FGGY: variants seen among roughly 807,000 people sequenced by gnomAD.
FGGY encodes the protein FGGY carbohydrate kinase domain-containing protein.
In FGGY, 72 loss-of-function variants were observed where a neutral mutation model predicts 71.3. The ratio of observed to expected loss-of-function variants is 1.01; its 90% CI spans 0.84 to 1.23. The LOEUF is 1.23. Among genes scored for constraint, FGGY ranks in the 50% most tolerant of loss-of-function variants. The probability of loss-of-function intolerance (pLI) is 0.00; values close to 1 mark genes in which losing one functional copy is unlikely to be tolerated. For synonymous variants in FGGY, 251 were observed against 250.3 expected (o/e 1.00, Z -0.02); for missense variants, 668 against 682.3 (o/e 0.98, Z 0.23).
At chr1:59,333,218 A>G (rs2048838728) in intron 2 of FGGY, among the ~76,000 whole-genome samples, 1 of 152,244 alleles carries the variant, frequency 6.6e-6, no homozygotes, top group Admixed American at 6.5e-5. Context: ...CTTTTGACTA[A>G]CTGCAGACCT....
chr1:59,653,101 T>C (rs868212747), intron 11 of FGGY, among the ~76,000 whole-genome samples: 177 of 152,356 alleles, frequency 1.2e-3, no homozygotes, highest in African/African-American at 4.2e-3. Context: ...GAGGAGGCAG[T>C]CTGCGGGTTC....
chr1:59,530,386 G>A (rs184798701), intron 7 of FGGY, among the ~76,000 whole-genome samples: 25 of 152,254 alleles, frequency 1.6e-4, no homozygotes, highest in Non-Finnish European at 3.1e-4. Context: ...TTCATGTCAG[G>A]TACTGTGCTA....
Position 59,370,862 on chromosome 1 carries a change from AT to A in FGGY, c.466-7883del, listed in dbSNP as rs1472127389. On this transcript the variant is annotated intron_variant, in intron 4 of 15. Transcript: ENST00000303721. ...TTTACAGACAAGCAAATGCTGAGAG[AT>A]TTTGTCACCACCAGGTCGGACCTAA... is the stretch of plus-strand genomic sequence containing the variant. 2.6e-5 allele frequency among the ~76,000 whole-genome samples: 4 copies of A among 152,110 alleles called. No individual in the cohort carries two copies. The East Asian group carries it at 7.7e-4, about 29-fold the overall frequency.
chr1:59,670,005 G>A (rs751910820), intron 13 of FGGY, among the ~76,000 whole-genome samples: 4 of 152,182 alleles, frequency 2.6e-5, no homozygotes, highest in Admixed American at 1.3e-4. Flanking sequence ...GCTGTTAATC[G>A]TTATTTGGAT....
chr1:59,298,825 T>C (rs2042343028), intron 1 of FGGY, among the ~76,000 whole-genome samples: 2 of 152,194 alleles, frequency 1.3e-5, no homozygotes, highest in Non-Finnish European at 2.9e-5. Flanking sequence ...CTTTTTATAA[T>C]GGAGGGACAT....
At chr1:59,297,283 C>G (rs3738172) in intron 1 of FGGY, 133 bp downstream of exon 1, 2 of 152,212 alleles carry the variant, frequency 1.3e-5, no homozygotes, top group African/African-American at 4.8e-5. Context: ...GTATTCAGTA[C>G]TCTTTCTCTC....
chr1:59,647,412 G>A (rs528546454), intron 11 of FGGY, among the ~76,000 whole-genome samples: 29 of 152,214 alleles, frequency 1.9e-4, no homozygotes, highest in Non-Finnish European at 3.7e-4. Context: ...ATGAGGGGCA[G>A]TGTCCATCCA....
At chr1:59,689,288 A>C (rs2097570792) in intron 14 of FGGY, among the ~76,000 whole-genome samples, 1 of 152,166 alleles carries the variant, frequency 6.6e-6, no homozygotes, top group South Asian at 2.1e-4. Context: ...CAGCAGGAAG[A>C]GGGATTTTTA....
At chr1:59,678,660 T>C (rs887825492) in intron 14 of FGGY, among the ~76,000 whole-genome samples, 3 of 152,204 alleles carry the variant, frequency 2.0e-5, no homozygotes, top group Admixed American at 2.0e-4. Flanking sequence ...GTCATTAGCT[T>C]TCTGTAATTT....
chr1:59,726,819 A>G (rs1216782927), intron 14 of FGGY, among the ~76,000 whole-genome samples: 3 of 151,652 alleles, frequency 2.0e-5, no homozygotes, highest in African/African-American at 7.3e-5. Flanking sequence ...ATTTTTCTCT[A>G]TTGCTTTCCT....
chr1:59,460,008 G>C (rs2092039750), intron 6 of FGGY, among the ~76,000 whole-genome samples: 1 of 152,220 alleles, frequency 6.6e-6, no homozygotes, highest in African/African-American at 2.4e-5. Context: ...AGTCCAGGAA[G>C]TTAGTAAGTG....
chr1:59,572,950 G>A (rs1410042744), intron 8 of FGGY, among the ~76,000 whole-genome samples: 1 of 152,158 alleles, frequency 6.6e-6, no homozygotes, highest in Non-Finnish European at 1.5e-5. Flanking sequence ...TGTCTCTTAT[G>A]AAAGGTCTTC....
chr1:59,703,764 T>C (rs1316970007), intron 14 of FGGY, among the ~76,000 whole-genome samples: 2 of 152,210 alleles, frequency 1.3e-5, no homozygotes, highest in East Asian at 3.8e-4. Flanking sequence ...AAACAAACTC[T>C]GTCATGAGTC....
intron 7 of FGGY, among the ~76,000 whole-genome samples, chr1:59,539,372 C>A (rs1034077763): frequency 6.6e-6 from 1 of 151,976 alleles, no homozygotes; most frequent in Admixed American, 6.6e-5. Flanking sequence ...GAACATATTA[C>A]GAAGTAATTA....
rs185060896 is a variant in FGGY at position 59,552,946 on chromosome 1, T to G, written c.800-1178T>G. On this transcript the variant is annotated intron_variant, in intron 7 of 15. Transcript: ENST00000303721. ...GGAGGCAGATGGGATATATGATGTT[T>G]TAAAATTACCCATGTCTTTTGTGCT... 1.5e-3 allele frequency among the ~76,000 whole-genome samples: 236 copies of G among 152,320 alleles called. 3 individuals carry two copies. The highest frequency in any genetic ancestry group is 0.011 in the Admixed American group (165 of 15,302).
chr1:59,699,013 A>G, intron 14 of FGGY: 1 of 985,412 alleles, frequency 1.0e-6, no homozygotes, highest in Non-Finnish European at 1.2e-6. Flanking sequence ...ATAAGATTAT[A>G]GCTTTTGGTT....
chr1:59,563,988 T>A (rs1368889093), intron 8 of FGGY, among the ~76,000 whole-genome samples: 1 of 152,218 alleles, frequency 6.6e-6, no homozygotes, highest in Non-Finnish European at 1.5e-5. Context: ...GCTAGCCATA[T>A]GCAGAAAACT....
rs1056159818 is a variant in FGGY, at chr1:59,640,887, G to C, written c.1221+2512G>C. Among the ~76,000 whole-genome samples the C allele has an allele frequency of 7.3e-5, 11 of 151,014 alleles. No individual in the cohort carries two copies. The East Asian group carries it at 2.1e-3, about 29-fold the overall frequency. ...ACAGGCCCTGTTACAGTTGTTGGGG[G>C]ATATAAGAGTAGCTAGACACAATCC... is the stretch of plus-strand genomic sequence containing the variant. On this transcript the variant is annotated intron_variant, in intron 11 of 15. Coordinates refer to ENST00000303721, the MANE Select transcript of FGGY (RefSeq NM_018291.5).
At chr1:59,533,662 A>C (rs1200849318) in intron 7 of FGGY, among the ~76,000 whole-genome samples, 1 of 152,192 alleles carries the variant, frequency 6.6e-6, no homozygotes, top group African/African-American at 2.4e-5. Context: ...GAACGGGCAG[A>C]CTGCCTCCTT....
Sources: allele counts gnomAD v4.1 joint callset (sites outside exome capture counted in the v4.1 genomes callset), GRCh38; gene constraint gnomAD v4.1.1; transcripts MANE v1.5; gene names NCBI Gene and HGNC (gene_info 2026-07-23, HGNC 2026-07-21).